Variants in CTPS2 observed in about 807,000 individuals in gnomAD.
CTPS2 encodes CTP synthase II.
A neutral mutation model predicts 46.8 loss-of-function variants in CTPS2; 19 were observed. The ratio of observed to expected loss-of-function variants is 0.41; its 90% CI spans 0.28 to 0.60. The LOEUF is 0.60. Ranked by LOEUF, CTPS2 falls within the 20% of genes least tolerant of loss-of-function variation. CTPS2 has a pLI of 0.35. For synonymous variants in CTPS2, 151 were observed against 165.2 expected (o/e 0.91, Z 0.66); for missense variants, 286 against 447.6 (o/e 0.64, Z 3.26).
At chrX:16,704,183 C>G (rs1290004245) in intron 1 of CTPS2, among the ~76,000 whole-genome samples, 3 of 111,573 alleles carry the variant, frequency 2.7e-5, no homozygotes, top group Non-Finnish European at 5.6e-5. Flanking sequence ...AAGTGACCAC[C>G]CACCTCGGCC....
intron 10 of CTPS2, 39 bp from the exon 11 acceptor site, chrX:16,670,713 AT>A (rs34210288): frequency 4.6e-3 from 4,236 of 913,005 alleles, no homozygotes; most frequent in Admixed American, 5.7e-3. Flanking sequence ...TTGACTATCC[AT>A]TTTTTTTTTA....
intron 10 of CTPS2, among the ~76,000 whole-genome samples, chrX:16,675,959 G>A (rs1922232055): frequency 8.9e-6 from 1 of 111,980 alleles, no homozygotes; most frequent in Non-Finnish European, 1.9e-5. Context: ...CAAGAAAACT[G>A]TTCTTTTGAG....
chrX:16,619,619 C>T (rs1408411282), intron 15 of CTPS2, among the ~76,000 whole-genome samples: 2 of 110,794 alleles, frequency 1.8e-5, no homozygotes, highest in Non-Finnish European at 3.8e-5. Flanking sequence ...CCTGAGATAA[C>T]AAATTTCCTT....
At chrX:16,677,450 A>C (rs1922374957) in intron 10 of CTPS2, among the ~76,000 whole-genome samples, 1 of 110,254 alleles carries the variant, frequency 9.1e-6, no homozygotes, top group African/African-American at 3.4e-5. Flanking sequence ...CATTGCCCCT[A>C]TTCAACACGA....
At chrX:16,662,608 A>C (rs1457327834) in intron 13 of CTPS2, among the ~76,000 whole-genome samples, 3 of 110,839 alleles carry the variant, frequency 2.7e-5, no homozygotes, top group African/African-American at 9.9e-5. Context: ...CAGAATGACC[A>C]GTCCCCACAA....
At chrX:16,693,940 G>T (rs904027795) in intron 4 of CTPS2, among the ~76,000 whole-genome samples, 2 of 111,626 alleles carry the variant, frequency 1.8e-5, no homozygotes, top group Non-Finnish European at 3.8e-5. Context: ...GCCGAGGCGG[G>T]CGGATCACAG....
In CTPS2 at chrX:16,632,021, A is replaced by G. The variant is rs141368716; in HGVS notation, c.1393+7126T>C. Among the ~76,000 whole-genome samples, 57 of 112,060 alleles carry G rather than the reference A, an allele frequency of 5.1e-4. No homozygotes were observed. In the East Asian group the frequency reaches 0.014, roughly 28 times the overall value. ...TCTTACTTTTCAAAGCACCCCACTT[A>G]AGACTTACCCACACTGTGCCACTTC... On this transcript the variant is annotated intron_variant, in intron 14 of 18. Coordinates refer to ENST00000359276, the MANE Select transcript of CTPS2 (RefSeq NM_175859.3).
chrX:16,632,419 T>C (rs1269874531), intron 14 of CTPS2, among the ~76,000 whole-genome samples: 2 of 109,486 alleles, frequency 1.8e-5, no homozygotes, highest in Non-Finnish European at 3.8e-5. Context: ...ACCTTTTTTT[T>C]CTTTCTTTCT....
At chrX:16,674,929 C>T (rs1922135467) in intron 10 of CTPS2, among the ~76,000 whole-genome samples, 2 of 110,034 alleles carry the variant, frequency 1.8e-5, no homozygotes, top group Admixed American at 9.7e-5. Context: ...GAAATAAAAG[C>T]ACAACAGGTT....
At chrX:16,698,149 C>T (rs947774673) in intron 4 of CTPS2, 87 bp downstream of exon 4, 10 of 673,981 alleles carry the variant, frequency 1.5e-5, no homozygotes, top group Middle Eastern at 6.1e-4. Context: ...CTCAGGAGGG[C>T]GTGTGTAAGT....
rs1028349174 is a variant in CTPS2 at position 16,608,577 on chromosome X, G to C, written c.1691+964C>G. The stretch of plus-strand genomic sequence containing the variant: ...CTACTGCACTCCAGCCTGGGTGACA[G>C]AGCCAGACCTTATCTCTAAGAAAAT... On this transcript the variant is annotated intron_variant, in intron 17 of 18. Coordinates refer to ENST00000359276, the MANE Select transcript of CTPS2 (RefSeq NM_175859.3). 5.4e-5 allele frequency among the ~76,000 whole-genome samples: 6 copies of C among 112,070 alleles called. No homozygotes were observed. In the East Asian group the frequency reaches 1.7e-3, roughly 31 times the overall value.
rs1929557790 is a variant in CTPS2, at chrX:16,599,922, G to A, written c.1692-9060C>T. On this transcript the variant is annotated intron_variant, in intron 17 of 18. Transcript: ENST00000359276. ...GCCACCCAAGTAGCTGGGATTACAG[G>A]AATGCACCACCATGCCCAGCTAATT... Among the ~76,000 whole-genome samples the A allele has an allele frequency of 4.6e-5, 5 of 109,100 alleles. No homozygotes were observed. In the Admixed American group the frequency reaches 4.9e-4, roughly 11 times the overall value. 94.7% of individuals were successfully genotyped at this position (109,100 alleles called of 115,157 possible).
intron 13 of CTPS2, 133 bp downstream of exon 13, chrX:16,667,381 G>A (rs914891639): frequency 4.7e-6 from 3 of 636,412 alleles, no homozygotes; most frequent in Admixed American, 5.3e-5. Context: ...TGATCCGCCC[G>A]CCTTGACCTC....
chrX:16,591,533 G>A (rs1928899920), intron 17 of CTPS2, among the ~76,000 whole-genome samples: 2 of 111,077 alleles, frequency 1.8e-5, no homozygotes, highest in Non-Finnish European at 3.8e-5. Context: ...TGGCATCTTG[G>A]CATATTGCGT....
Position 16,601,879 on chromosome X carries a change from C to T in CTPS2, c.1691+7662G>A, listed in dbSNP as rs1929689689. 2.7e-5 allele frequency among the ~76,000 whole-genome samples: 3 copies of T among 111,717 alleles called. No homozygotes were observed. In the South Asian group the frequency reaches 1.1e-3, roughly 42 times the overall value. On this transcript the variant is annotated intron_variant, in intron 17 of 18. Transcript: ENST00000359276. ...CCCTTTTTATAAAGAAAGCAATGCA[C>T]AGAAGAGCAAGGTCACAGCCAGCTG...
At chrX:16,667,268 T>G (rs6632864) in intron 13 of CTPS2, among the ~76,000 whole-genome samples, 51,830 of 107,058 alleles carry the variant, frequency 0.48, 10,484 homozygotes, top group African/African-American at 0.74. Flanking sequence ...GAGTAGCTGA[T>G]ATTACACGCA....
In CTPS2 at chrX:16,667,540, A is replaced by G. The variant is rs1289166065; in HGVS notation, c.1270T>C (p.Phe424Leu). ...LNLKDADSTE[F>L]RPNAPVPLVI... ...AGAGGAACTGGGGCATTTGGCCTAAACTCTGTGGAATCAGCATCTGAAGAT... is the reference window on the plus strand; with the variant it reads ...AGAGGAACTGGGGCATTTGGCCTAAGCTCTGTGGAATCAGCATCTGAAGAT... The change falls in exon 13 of 19, where the codon TTT (phenylalanine) becomes CTT (leucine). Residue 424 changes from phenylalanine to leucine, a missense_variant. Physicochemically the swap from Phe to Leu is conservative, Grantham distance 22. Transcript: ENST00000359276. 8.3e-7 allele frequency: 1 copy of G among 1,210,719 alleles called. No homozygotes were observed. The highest frequency in any genetic ancestry group is 1.8e-5 in the South Asian group (1 of 56,949).
At chrX:16,711,787 T>C (rs954609766) in intron 1 of CTPS2, 1 of 111,663 alleles carries the variant, frequency 9.0e-6, no homozygotes, top group African/African-American at 3.2e-5. Context: ...CCAAAAAAGC[T>C]ATTCTGTAGC....
intron 9 of CTPS2, among the ~76,000 whole-genome samples, chrX:16,678,937 T>C (rs781409930): frequency 1.8e-5 from 2 of 110,327 alleles, no homozygotes; most frequent in Non-Finnish European, 3.8e-5. Context: ...ACAGGAAGGA[T>C]TGACGTCAAG....
Sources: gnomAD v4.1 joint callset for allele counts (sites outside exome capture counted in the v4.1 genomes callset) on GRCh38, gnomAD v4.1.1 for gene constraint, MANE v1.5 for transcripts, NCBI Gene and HGNC (gene_info 2026-07-23, HGNC 2026-07-21) for gene names.